Variants in SPIRE2 observed in about 807,000 individuals in gnomAD.
SPIRE2 encodes the protein spire type actin nucleation factor 2.
Under a neutral mutation model 80.7 loss-of-function variants are expected in SPIRE2, and 76 were observed. The ratio of observed to expected loss-of-function variants is 0.94; its 90% CI spans 0.78 to 1.14. SPIRE2 has a LOEUF of 1.14. SPIRE2 is among the 50% of genes most tolerant of loss of function. The pLI, the probability that SPIRE2 is intolerant of heterozygous loss-of-function variation, is 0.00. For missense variants in SPIRE2, 1,196 were observed against 1,015.3 expected, an observed-to-expected ratio of 1.18 and a Z score of -2.42; for synonymous variants, 535 against 432.6, an observed-to-expected ratio of 1.24 and a Z score of -2.94.
chr16:89,868,430 C>G (rs924638377), intron 13 of SPIRE2, among the ~76,000 whole-genome samples: 1 of 152,090 alleles, frequency 6.6e-6, no homozygotes, highest in African/African-American at 2.4e-5. Context: ...AGCCTCGTGC[C>G]AAAAAACCCT....
rs1313444405 is a variant in SPIRE2 at position 89,863,216 on chromosome 16, G to C, written c.1576-260G>C. On this transcript the variant is annotated intron_variant, in intron 10 of 14. Transcript: ENST00000378247. The surrounding 1 kb of genome is among the most constrained non-coding windows in gnomAD (Gnocchi z 4.3). ...ACCTTGAACAGACATGGGCTGAGGG[G>C]AGTTTGTGTGGAGCGTGGCCAGTGA... is the stretch of plus-strand genomic sequence containing the variant. The C allele has an allele frequency of 1.9e-6, 1 of 536,768 alleles. No homozygotes were observed. Among genetic ancestry groups the C allele is most frequent in the African/African-American group, 1.9e-5 (1 of 52,464 alleles). The allele number at this position is 536,768 out of a possible 1,614,324, so 33.3% of individuals were successfully genotyped here.
chr16:89,856,626 T>C (rs1392969079), intron 7 of SPIRE2, among the ~76,000 whole-genome samples: 1 of 148,904 alleles, frequency 6.7e-6, no homozygotes, highest in Non-Finnish European at 1.5e-5. Flanking sequence ...TTTTTTTTTT[T>C]TTTTTGTAGT....
At chr16:89,870,004 C>T (rs754120435) in intron 14 of SPIRE2, 46 bp from the exon 15 acceptor site, 25 of 1,538,424 alleles carry the variant, frequency 1.6e-5, no homozygotes, top group Non-Finnish European at 2.1e-5. Context: ...GGGGGTGTGG[C>T]ACCCTGGCTG....
Position 89,830,016 on chromosome 16 carries a change from G to A in SPIRE2, c.244+1222G>A, listed in dbSNP as rs2041364175. On this transcript the variant is annotated intron_variant, in intron 1 of 14. Transcript: ENST00000378247. Reference sequence around the variant, plus strand: ...TGGAGATAAGTGCAGAGCAGGAGGAGGCTGTAGGCAGCCTGGTTCGTCTGA... The same window carrying A: ...TGGAGATAAGTGCAGAGCAGGAGGAAGCTGTAGGCAGCCTGGTTCGTCTGA... Among the ~76,000 whole-genome samples the A allele has an allele frequency of 1.3e-5, 2 of 151,250 alleles. 1 individual carries two copies. Among genetic ancestry groups the A allele is most frequent in the Non-Finnish European group, 3.0e-5 (2 of 67,430 alleles).
intron 1 of SPIRE2, among the ~76,000 whole-genome samples, chr16:89,837,721 A>G (rs2041463785): frequency 6.6e-6 from 1 of 152,152 alleles, no homozygotes; most frequent in Non-Finnish European, 1.5e-5. Context: ...GGGTCTCCGC[A>G]GGCATTGATG....
At chr16:89,856,089 G>C in intron 6 of SPIRE2, 24 bp from the exon 7 acceptor site, 1 of 1,600,610 alleles carries the variant, frequency 6.2e-7, no homozygotes, top group Non-Finnish European at 8.5e-7. Flanking sequence ...CTTCCCCACC[G>C]CAGGTCTCGC....
chr16:89,841,321 TA>T (rs2041503727), intron 1 of SPIRE2, among the ~76,000 whole-genome samples: 1 of 152,186 alleles, frequency 6.6e-6, no homozygotes, highest in South Asian at 2.1e-4. Flanking sequence ...CCTCCCACCT[TA>T]GCATGGCACT....
At chr16:89,867,516 G>A (rs925447405) in intron 12 of SPIRE2, among the ~76,000 whole-genome samples, 1 of 151,666 alleles carries the variant, frequency 6.6e-6, no homozygotes, top group African/African-American at 2.4e-5. Context: ...ACCCATCATG[G>A]CTTGGTTCAG....
In SPIRE2 at chr16:89,870,057, C is replaced by T. The variant is rs969261092; in HGVS notation, c.1930C>T (p.Gln644Ter). 6.2e-7 allele frequency: 1 copy of T among 1,612,262 alleles called. No homozygotes were observed. The highest frequency in any genetic ancestry group is 1.7e-5 in the Admixed American group (1 of 59,906). ...IQRRDIFQSLQGPQWQSVEEA... is the reference protein window; with the variant it reads ...IQRRDIFQSL ...CCCTCTCCCACTTCCCAGGTCTCTGCAAGGGCCACAGTGGCAGAGCGTGGA... is the reference window on the plus strand; with the variant it reads ...CCCTCTCCCACTTCCCAGGTCTCTGTAAGGGCCACAGTGGCAGAGCGTGGA... Residue 644 changes from glutamine to a stop codon, truncating the protein, a stop_gained, in exon 15 of 15, where the codon CAA becomes TAA. Coordinates refer to ENST00000378247, the MANE Select transcript of SPIRE2 (RefSeq NM_032451.2). LOFTEE classifies it high-confidence loss of function.
At chr16:89,836,044 G>A (rs1410082174) in intron 1 of SPIRE2, among the ~76,000 whole-genome samples, 1 of 152,054 alleles carries the variant, frequency 6.6e-6, no homozygotes, top group Non-Finnish European at 1.5e-5. Context: ...GCTTGGTGGC[G>A]GGCGTCTGTA....
At chr16:89,867,427 G>C (rs957453609) in intron 12 of SPIRE2, among the ~76,000 whole-genome samples, 2 of 151,952 alleles carry the variant, frequency 1.3e-5, no homozygotes, top group Non-Finnish European at 2.9e-5. Flanking sequence ...ACAGGCGTGA[G>C]GCATCGCGCC....
At chr16:89,869,044 A>AAAAAAAAAAAAAAAAAAAAC (rs2041813447) in intron 13 of SPIRE2, among the ~76,000 whole-genome samples, 1 of 81,734 alleles carries the variant, frequency 1.2e-5, no homozygotes, top group Non-Finnish European at 2.3e-5. Flanking sequence ...AAAAAAAAAA[A>AAAAAAAAAAAAAAAAAAAAC]AAAAAAAAAA....
chr16:89,844,679 C>T (rs973706834), intron 1 of SPIRE2, among the ~76,000 whole-genome samples: 4 of 152,194 alleles, frequency 2.6e-5, no homozygotes, highest in African/African-American at 9.7e-5. Context: ...ACGTTGTGAT[C>T]CGCCTGCCTC....
At position 89,845,220 on chromosome 16, in the gene SPIRE2, G is replaced by T. The variant is rs370538384; in HGVS notation, c.245-102G>T. On this transcript the variant is annotated intron_variant, in intron 1 of 14. Coordinates refer to ENST00000378247, the MANE Select transcript of SPIRE2 (RefSeq NM_032451.2). ...GCTTTCTGGTGTTCCGGCGGAGAGTGGGGCTGTGGTGTGTGTCCCCGAGGG... is the reference window on the plus strand; with the variant it reads ...GCTTTCTGGTGTTCCGGCGGAGAGTTGGGCTGTGGTGTGTGTCCCCGAGGG... The T allele has an allele frequency of 6.1e-4, 629 of 1,033,200 alleles. 7 individuals carry two copies. The African/African-American group carries it at 8.8e-3, about 14-fold the overall frequency. The allele number at this position is 1,033,200 out of a possible 1,614,324, so 64.0% of individuals were successfully genotyped here. A position where few individuals can be genotyped will look rare whatever the true frequency, so the allele number is the denominator to read the frequency against.
chr16:89,830,988 C>G (rs944725444), intron 1 of SPIRE2, among the ~76,000 whole-genome samples: 2 of 147,408 alleles, frequency 1.4e-5, no homozygotes, highest in African/African-American at 5.0e-5. Context: ...CTGCTCACTG[C>G]AAGCTCCACC....
rs966718949 is a variant in SPIRE2, at chr16:89,845,475, G to C, written c.288+110G>C. On this transcript the variant is annotated intron_variant, in intron 2 of 14. Transcript: ENST00000378247. ...GTTACACAGTTGTTTCAGGGAGGCA[G>C]GGTGCAGATGAAGTACCCAACAGGC... 20 of 1,014,516 alleles carry C rather than the reference G, an allele frequency of 2.0e-5. No homozygotes were observed. In the African/African-American group the frequency reaches 3.2e-4, roughly 16 times the overall value. The allele number at this position is 1,014,516 out of a possible 1,614,324, so 62.8% of individuals were successfully genotyped here.
At chr16:89,869,820 T>A in intron 14 of SPIRE2, 138 bp downstream of exon 14, 2 of 754,744 alleles carry the variant, frequency 2.6e-6, no homozygotes, top group Non-Finnish European at 4.5e-6. Context: ...CAGAGACGGA[T>A]CGTTGTGTAG....
chr16:89,855,642 G>A lies in SPIRE2; in HGVS notation c.934G>A (p.Glu312Lys), dbSNP rs760632748. The A allele has an allele frequency of 1.1e-5, 17 of 1,612,676 alleles. No homozygotes were observed. The highest frequency in any genetic ancestry group is 2.7e-5 in the African/African-American group (2 of 74,884). Residue 312 changes from glutamate (E) to lysine (K), a missense_variant, in exon 6 of 15, where the codon GAG (glutamate) becomes AAG (lysine). By Grantham distance (56) the Glu-to-Lys change is moderately conservative (BLOSUM62 1). Coordinates refer to ENST00000378247, the MANE Select transcript of SPIRE2 (RefSeq NM_032451.2). ...GCCCCGGGTGAAGAAGGACGCTCAC[G>A]AGCTCATCCTGGACTTTATCCGCTC... ...IPPRVKKDAH[E>K]LILDFIRSRP...
At chr16:89,829,989 C>G (rs777955476) in intron 1 of SPIRE2, among the ~76,000 whole-genome samples, 3 of 151,216 alleles carry the variant, frequency 2.0e-5, no homozygotes, top group African/African-American at 7.3e-5. Context: ...TCACCCCATT[C>G]CTGGAGATAA....
Sources: gnomAD v4.1 joint callset for allele counts (sites outside exome capture counted in the v4.1 genomes callset) on GRCh38, gnomAD v4.1.1 for gene constraint, Gnocchi (gnomAD v3.1) non-coding constraint, MANE v1.5 for transcripts, NCBI Gene and HGNC (gene_info 2026-07-23, HGNC 2026-07-21) for gene names.